The following RIMS1 variants were observed in gnomAD, a reference collection of about 807,000 sequenced individuals.
The protein encoded by RIMS1 is regulating synaptic membrane exocytosis 1, also known as regulating synaptic membrane exocytosis protein 1.
Under a neutral mutation model 214.1 loss-of-function variants are expected in RIMS1, and 83 were observed. That is an observed-to-expected ratio of 0.39 (90% CI 0.32 to 0.47). The LOEUF (loss-of-function observed/expected upper bound fraction) is 0.47, where lower values mean the gene tolerates loss of function less well. Ranked by LOEUF, RIMS1 falls within the 20% of genes least tolerant of loss-of-function variation. The pLI, the probability that RIMS1 is intolerant of heterozygous loss-of-function variation, is 0.99. For synonymous variants in RIMS1, 793 were observed against 786.8 expected, an observed-to-expected ratio of 1.01 and a Z score of -0.13; for missense variants, 2,050 against 2,161.8, an observed-to-expected ratio of 0.95 and a Z score of 1.03.
At chr6:72,363,427 A>G (rs2097889712) in intron 29 of RIMS1, among the ~76,000 whole-genome samples, 1 of 152,190 alleles carries the variant, frequency 6.6e-6, no homozygotes, top group Admixed American at 6.5e-5. Context: ...AAGATAGTGC[A>G]TAATTTGATT....
In RIMS1 at chr6:72,226,433, A is replaced by G. The variant is rs1368328162; in HGVS notation, c.1679-7340A>G. 5.3e-5 allele frequency among the ~76,000 whole-genome samples: 8 copies of G among 152,016 alleles called. No homozygotes were observed. The South Asian group carries it at 1.0e-3, about 20-fold the overall frequency. ...TTACCCTTTTCAAAGCAAACCCACA[A>G]TGTTTTCTGTTTTCTCAAAGCCCCA... is the stretch of plus-strand genomic sequence containing the variant. On this transcript the variant is annotated intron_variant, in intron 6 of 33. Transcript: ENST00000521978.
chr6:72,065,166 G>A (rs893872415), intron 2 of RIMS1, among the ~76,000 whole-genome samples: 15 of 152,278 alleles, frequency 9.9e-5, no homozygotes, highest in African/African-American at 3.1e-4. Context: ...AAAAGAGAGC[G>A]ATTTGGAGCT....
intron 2 of RIMS1, among the ~76,000 whole-genome samples, chr6:72,091,442 C>T (rs1435187756): frequency 6.6e-6 from 1 of 152,116 alleles, no homozygotes; most frequent in Non-Finnish European, 1.5e-5. Flanking sequence ...TTTACTTGTT[C>T]AACAAATACA....
chr6:72,088,934 T>G (rs1586694418), intron 2 of RIMS1, among the ~76,000 whole-genome samples: 19 of 129,650 alleles, frequency 1.5e-4, no homozygotes, highest in Admixed American at 3.3e-4. Flanking sequence ...GAAGGAGAGG[T>G]GAGGAGGGGA....
intron 1 of RIMS1, among the ~76,000 whole-genome samples, chr6:71,894,266 A>G (rs1232877273): frequency 6.6e-6 from 1 of 152,070 alleles, no homozygotes; most frequent in Non-Finnish European, 1.5e-5. Flanking sequence ...CCAACATGGT[A>G]AAACCCCGTC....
At position 71,951,478 on chromosome 6, in the gene RIMS1, C is replaced by CTTTTTCTTTTCCT. The variant is rs1237497676; in HGVS notation, c.165-17500_165-17499insCTTTTCCTTTTTT. Among the ~76,000 whole-genome samples the CTTTTTCTTTTCCT allele has an allele frequency of 7.1e-4, 91 of 128,824 alleles. 1 individual carries two copies. The highest frequency in any genetic ancestry group is 2.5e-3 in the African/African-American group (84 of 33,274). 84.5% of individuals were successfully genotyped at this position (128,824 alleles called of 152,430 possible). ...GACCATTTTTTCCACTTTTCTTTTT[C>CTTTTTCTTTTCCT]TTTTTTTTTTTTTTTGTGTGTGTGT... On this transcript the variant is annotated intron_variant, in intron 1 of 33. Transcript: ENST00000521978.
At chr6:72,171,122 G>A (rs72940742) in intron 4 of RIMS1, among the ~76,000 whole-genome samples, 7,805 of 152,026 alleles carry the variant, frequency 0.051, 286 homozygotes, top group Middle Eastern at 0.099. Context: ...AGTATTCATT[G>A]CTGCCTCTTA....
intron 6 of RIMS1, among the ~76,000 whole-genome samples, chr6:72,191,769 T>C (rs555454731): frequency 6.6e-6 from 1 of 152,302 alleles, no homozygotes; most frequent in Non-Finnish European, 1.5e-5. Context: ...GCAGCTGCAA[T>C]TGGAGTCACC....
intron 3 of RIMS1, among the ~76,000 whole-genome samples, chr6:72,097,971 A>G (rs1428516930): frequency 6.6e-6 from 1 of 152,158 alleles, no homozygotes; most frequent in Non-Finnish European, 1.5e-5. Context: ...TTATAGGGAA[A>G]TCTTGATAGA....
At chr6:71,905,796 C>T (rs1050452507) in intron 1 of RIMS1, among the ~76,000 whole-genome samples, 10 of 151,898 alleles carry the variant, frequency 6.6e-5, no homozygotes, top group Non-Finnish European at 1.0e-4. Flanking sequence ...AGGGCAGGCT[C>T]CAGGTGTCTT....
intron 1 of RIMS1, among the ~76,000 whole-genome samples, chr6:71,952,842 T>TG (rs1175541133): frequency 1.3e-5 from 2 of 152,070 alleles, no homozygotes; most frequent in Non-Finnish European, 2.9e-5. Context: ...GTTGGCTGGG[T>TG]GGAAGTCACC....
At chr6:72,258,415 AT>A (rs1181184821) in intron 17 of RIMS1, 134 bp downstream of exon 17, 48 of 955,712 alleles carry the variant, frequency 5.0e-5, no homozygotes, top group South Asian at 1.5e-4. Context: ...TGTAGGCAAA[AT>A]TTTTTTTATT....
chr6:72,142,637 C>T (rs1321583664), intron 4 of RIMS1, among the ~76,000 whole-genome samples: 2 of 152,082 alleles, frequency 1.3e-5, no homozygotes, highest in African/African-American at 2.4e-5. Context: ...ATGAGGTTAT[C>T]GCCAGCTTAA....
intron 2 of RIMS1, among the ~76,000 whole-genome samples, chr6:72,068,130 A>C (rs1353815420): frequency 6.6e-6 from 1 of 151,644 alleles, no homozygotes; most frequent in Non-Finnish European, 1.5e-5. Flanking sequence ...AGAAGAAAAA[A>C]ACATCCCACA....
intron 27 of RIMS1, 35 bp from the exon 28 acceptor site, chr6:72,313,471 G>C: frequency 6.3e-7 from 1 of 1,594,720 alleles, no homozygotes. Flanking sequence ...ATTGTCTAAT[G>C]ATGGAGCTCA....
At chr6:72,240,826 G>A (rs1209396125) in intron 9 of RIMS1, among the ~76,000 whole-genome samples, 1 of 151,728 alleles carries the variant, frequency 6.6e-6, no homozygotes, top group Non-Finnish European at 1.5e-5. Flanking sequence ...GGCCAGCCTG[G>A]CCAACATGGT....
At chr6:72,206,438 A>G (rs776766314) in intron 6 of RIMS1, among the ~76,000 whole-genome samples, 11 of 152,244 alleles carry the variant, frequency 7.2e-5, no homozygotes, top group Non-Finnish European at 1.3e-4. Flanking sequence ...TTCAATATTC[A>G]CATAAATAGA....
intron 2 of RIMS1, among the ~76,000 whole-genome samples, chr6:72,037,009 C>T (rs1287581008): frequency 1.3e-5 from 2 of 152,144 alleles, no homozygotes; most frequent in African/African-American, 2.4e-5. Context: ...GTGATTTGTA[C>T]ATATTAAAAT....
At chr6:72,029,673 G>C (rs1474325927) in intron 2 of RIMS1, among the ~76,000 whole-genome samples, 1 of 152,138 alleles carries the variant, frequency 6.6e-6, no homozygotes, top group Non-Finnish European at 1.5e-5. Flanking sequence ...CTTTCTGCAA[G>C]TTAGCACCAA....
Sources: allele counts gnomAD v4.1 joint callset (sites outside exome capture counted in the v4.1 genomes callset), GRCh38; gene constraint gnomAD v4.1.1; transcripts MANE v1.5; gene names NCBI Gene and HGNC (gene_info 2026-07-23, HGNC 2026-07-21).